FAM193A: variants seen among roughly 807,000 people sequenced by gnomAD.
FAM193A encodes the protein family with sequence similarity 193 member A.
A neutral mutation model predicts 126.5 loss-of-function variants in FAM193A; 22 were observed. The observed-to-expected ratio is 0.17, with a 90% CI of 0.12 to 0.25. FAM193A has a LOEUF of 0.25. Among genes scored for constraint, FAM193A ranks in the 10% least tolerant of loss-of-function variants. The pLI is 1.00. For synonymous variants in FAM193A, 761 were observed against 646.8 expected (o/e 1.18, Z -2.68); for missense variants, 1,675 against 1,672.8 (o/e 1.00, Z -0.02).
rs114437493 is a variant in FAM193A at position 2,596,496 on chromosome 4, C to T, written c.501+167C>T. On this transcript the variant is annotated intron_variant, in intron 2 of 20. Transcript: ENST00000637812. Reference sequence around the variant, plus strand: ...GTACGTTCCTCCTGGTCTTCCCTGGCCACACTGCAGTAGGTGGCAGGACAC... The same window carrying T: ...GTACGTTCCTCCTGGTCTTCCCTGGTCACACTGCAGTAGGTGGCAGGACAC... Among the ~76,000 whole-genome samples, 351 of 152,344 alleles carry T rather than the reference C, an allele frequency of 2.3e-3. 2 individuals are homozygous for T. The highest frequency in any genetic ancestry group is 7.8e-3 in the African/African-American group (324 of 41,578).
chr4:2,721,527 G>C (rs1178844724), intron 20 of FAM193A, among the ~76,000 whole-genome samples: 1 of 152,090 alleles, frequency 6.6e-6, no homozygotes, highest in Non-Finnish European at 1.5e-5. Flanking sequence ...GGATTACACA[G>C]CAAGCTTTTG....
chr4:2,576,080 A>T (rs1026551366), intron 1 of FAM193A, among the ~76,000 whole-genome samples: 1 of 152,012 alleles, frequency 6.6e-6, no homozygotes, highest in African/African-American at 2.4e-5. Context: ...TAGCTGTGCC[A>T]CATACCCAGT....
At chr4:2,571,903 C>T (rs540359728) in intron 1 of FAM193A, among the ~76,000 whole-genome samples, 1 of 151,202 alleles carries the variant, frequency 6.6e-6, no homozygotes, top group Non-Finnish European at 1.5e-5. Context: ...CTGTGGCTCA[C>T]GCCTGTAATC....
intron 1 of FAM193A, among the ~76,000 whole-genome samples, chr4:2,586,867 G>A (rs959372854): frequency 2.6e-5 from 4 of 151,742 alleles, no homozygotes; most frequent in African/African-American, 7.3e-5. Context: ...TTGCTCAGGC[G>A]GTCTTGAACT....
chr4:2,608,414 A>G (rs1000819767), intron 2 of FAM193A, among the ~76,000 whole-genome samples: 10 of 152,272 alleles, frequency 6.6e-5, no homozygotes, highest in East Asian at 3.9e-4. Flanking sequence ...CCTGGGCTCA[A>G]TCAGTCTCCC....
At chr4:2,538,382 A>G (rs548099186) in intron 1 of FAM193A, among the ~76,000 whole-genome samples, 226 of 152,076 alleles carry the variant, frequency 1.5e-3, no homozygotes, top group Admixed American at 3.0e-3. Context: ...TTGTAGAGAC[A>G]GGGTTTCACC....
intron 1 of FAM193A, among the ~76,000 whole-genome samples, chr4:2,540,859 G>A (rs1403582022): frequency 1.3e-5 from 2 of 151,766 alleles, no homozygotes; most frequent in Admixed American, 6.6e-5. Flanking sequence ...TACTCCGGAC[G>A]CTGAGGCTGG....
rs1230432229 is a variant in FAM193A at position 2,631,087 on chromosome 4, A to G, written c.956A>G (p.His319Arg). Residue 319 changes from histidine to arginine, a missense_variant, in exon 5 of 21, where the codon CAC (histidine) becomes CGC (arginine). His to Arg is a conservative substitution (Grantham distance 29). Transcript: ENST00000637812. ...GGCCTGCAGGGCCCGCCGCAAGCGC[A>G]CCAGTTCATCTCCCTCCTGCTTGAG... is the stretch of plus-strand genomic sequence containing the variant. ...PSGLQGPPQAHQFISLLLEEY... is the reference protein window; with the variant it reads ...PSGLQGPPQARQFISLLLEEY... 1.9e-6 allele frequency: 3 copies of G among 1,613,744 alleles called. No homozygotes were observed. Among genetic ancestry groups the G allele is most frequent in the East Asian group, 4.5e-5 (2 of 44,892 alleles).
chr4:2,731,137 A>T (rs1721328985), intron 20 of FAM193A, among the ~76,000 whole-genome samples: 1 of 142,094 alleles, frequency 7.0e-6, no homozygotes, highest in African/African-American at 2.7e-5. Context: ...CGGAGGCTTC[A>T]GTGAGCTGAG....
intron 1 of FAM193A, among the ~76,000 whole-genome samples, chr4:2,555,961 A>G (rs1325809849): frequency 4.8e-5 from 7 of 145,976 alleles, no homozygotes; most frequent in Admixed American, 2.8e-4. Context: ...CTGGAGTGCC[A>G]TGGCCTGATC....
At chr4:2,695,733 A>G (rs1371065975) in intron 17 of FAM193A, among the ~76,000 whole-genome samples, 1 of 152,238 alleles carries the variant, frequency 6.6e-6, no homozygotes, top group Non-Finnish European at 1.5e-5. Context: ...AAGATACTAC[A>G]GACACATTTA....
At chr4:2,573,248 C>G (rs1000715329) in intron 1 of FAM193A, among the ~76,000 whole-genome samples, 1 of 152,060 alleles carries the variant, frequency 6.6e-6, no homozygotes, top group South Asian at 2.1e-4. Context: ...TGCAGTGGCT[C>G]ACACCTGTAA....
In FAM193A at chr4:2,657,788, A is replaced by G. The variant is rs766141641; in HGVS notation, c.1312-15A>G. On this transcript the variant is annotated splice_polypyrimidine_tract_variant and intron_variant, in intron 7 of 20. Coordinates refer to ENST00000637812, the MANE Select transcript of FAM193A (RefSeq NM_001366318.2). ...AGTTTTTCTTTTTTTTCTGTTTTTT[A>G]CATCCCCTTACTAGATGACAATGAA... is the stretch of plus-strand genomic sequence containing the variant. 5 of 1,570,398 alleles carry G rather than the reference A, an allele frequency of 3.2e-6. No homozygotes were observed. Among genetic ancestry groups the G allele is most frequent in the Non-Finnish European group, 4.3e-6 (5 of 1,160,722 alleles).
intron 20 of FAM193A, among the ~76,000 whole-genome samples, chr4:2,725,242 A>G (rs1720597097): frequency 6.6e-6 from 1 of 151,950 alleles, no homozygotes; most frequent in South Asian, 2.1e-4. Context: ...ACACACATAT[A>G]TATGGTGCTT....
chr4:2,598,277 C>A (rs138586572), intron 2 of FAM193A, among the ~76,000 whole-genome samples: 2 of 152,118 alleles, frequency 1.3e-5, no homozygotes, highest in African/African-American at 2.4e-5. Context: ...TTGAGAGTTA[C>A]CCAAAATGTT....
At chr4:2,631,277 C>A (rs1167938826) in intron 5 of FAM193A, 108 bp downstream of exon 5, 2 of 971,722 alleles carry the variant, frequency 2.1e-6, no homozygotes, top group African/African-American at 3.3e-5. Context: ...CACACCCCCA[C>A]ACACTGTGAT....
chr4:2,646,879 G>A, intron 7 of FAM193A, 47 bp downstream of exon 7: 4 of 1,555,672 alleles, frequency 2.6e-6, no homozygotes, highest in Non-Finnish European at 3.5e-6. Flanking sequence ...TCCTCAGACG[G>A]CCCTGTTGAA....
rs193248135 is a variant in FAM193A at position 2,696,879 on chromosome 4, C to G, written c.3507+286C>G. On this transcript the variant is annotated intron_variant, in intron 18 of 20. Coordinates refer to ENST00000637812, the MANE Select transcript of FAM193A (RefSeq NM_001366318.2). ...GCAGCAGCAGACACTCCAGCTTTAT[C>G]TGCTGGAGAACCTTCTTTTCGAAGA... Among the ~76,000 whole-genome samples the G allele has an allele frequency of 7.0e-4, 107 of 152,298 alleles. 2 individuals are homozygous for G. The highest frequency in any genetic ancestry group is 5.8e-3 in the East Asian group (30 of 5,182).
chr4:2,564,377 C>G (rs930352047), intron 1 of FAM193A, among the ~76,000 whole-genome samples: 2 of 152,122 alleles, frequency 1.3e-5, no homozygotes, highest in Non-Finnish European at 2.9e-5. Flanking sequence ...GCCACCACCC[C>G]TGGCCAGGAG....
Sources: allele counts gnomAD v4.1 joint callset (sites outside exome capture counted in the v4.1 genomes callset), GRCh38; gene constraint gnomAD v4.1.1; transcripts MANE v1.5; gene names NCBI Gene and HGNC (gene_info 2026-07-23, HGNC 2026-07-21).